The following CACNA1C variants were observed in gnomAD, a reference collection of about 807,000 sequenced individuals.
The protein encoded by CACNA1C is voltage-dependent L-type calcium channel subunit alpha-1C.
In CACNA1C, 30 loss-of-function variants were observed where a neutral mutation model predicts 229.0. That is an observed-to-expected ratio of 0.13 (90% confidence interval 0.10 to 0.18). The LOEUF (loss-of-function observed/expected upper bound fraction) is 0.18. Ranked by LOEUF, CACNA1C falls within the 10% of genes least tolerant of loss-of-function variation. The probability of loss-of-function intolerance (pLI) is 1.00; values close to 1 mark genes in which losing one functional copy is unlikely to be tolerated. For synonymous variants in CACNA1C, 1,114 were observed against 1,132.5 expected (o/e 0.98, Z 0.33); for missense variants, 1,658 against 2,845.0 (o/e 0.58, Z 9.49).
chr12:2,307,246 C>T (rs953562449), intron 3 of CACNA1C, among the ~76,000 whole-genome samples: 2 of 152,228 alleles, frequency 1.3e-5, no homozygotes, highest in African/African-American at 2.4e-5. Flanking sequence ...CTTCCTGCTT[C>T]ACTTTCATCT....
intron 1 of CACNA1C, among the ~76,000 whole-genome samples, chr12:2,082,827 A>G (rs984179843): frequency 1.3e-5 from 2 of 152,172 alleles, no homozygotes; most frequent in African/African-American, 2.4e-5. Context: ...TATATTTTCA[A>G]CAAAACGCCT....
chr12:2,689,619 C>T lies in CACNA1C; in HGVS notation c.6117+840C>T, dbSNP rs2097706264. ...GACATAGCCAAGCAGAGACTGTGCT[C>T]ATCCGGGCGTCAGGCTGTGGTGCAG... On this transcript the variant is annotated intron_variant, in intron 46 of 46. Transcript: ENST00000399655. The surrounding 1 kb of genome is among the most constrained non-coding windows in gnomAD (Gnocchi z 4.2). Among the ~76,000 whole-genome samples the T allele has an allele frequency of 6.6e-6, 1 of 152,010 alleles. No individual in the cohort carries two copies. Among genetic ancestry groups the T allele is most frequent in the African/African-American group, 2.4e-5 (1 of 41,402 alleles).
chr12:2,516,106 C>G (rs549092779), intron 9 of CACNA1C, among the ~76,000 whole-genome samples: 1 of 152,026 alleles, frequency 6.6e-6, no homozygotes, highest in East Asian at 1.9e-4. Flanking sequence ...AAGGGGTCAG[C>G]CAAGGAATGT....
At chr12:2,084,823 A>G (rs898452506) in intron 1 of CACNA1C, among the ~76,000 whole-genome samples, 8 of 152,236 alleles carry the variant, frequency 5.3e-5, no homozygotes. Flanking sequence ...AAGGCAAGCC[A>G]GGGTTCCACC....
intron 42 of CACNA1C, chr12:2,680,403 C>CCCGCCCTGGGCCCCCGCAGGGCT (rs1239274308): frequency 6.4e-7 from 1 of 1,560,720 alleles, no homozygotes; most frequent in Admixed American, 1.9e-5. Context: ...GACCTTCCCT[C>CCCGCCCTGGGCCCCCGCAGGGCT]CCGCCCTGGG....
At chr12:2,243,528 C>T (rs1036860628) in intron 3 of CACNA1C, among the ~76,000 whole-genome samples, 1 of 152,130 alleles carries the variant, frequency 6.6e-6, no homozygotes, top group Non-Finnish European at 1.5e-5. Flanking sequence ...CCAAGAAGAC[C>T]ACATGGGGGG....
At chr12:2,006,949 A>G (rs1389825328) in intron 1 of CACNA1C, among the ~76,000 whole-genome samples, 2 of 152,236 alleles carry the variant, frequency 1.3e-5, no homozygotes, top group African/African-American at 4.8e-5. Flanking sequence ...TTTGAAAAAC[A>G]TAGGGCTGCA....
At chr12:2,124,901 G>A (rs924393078) in intron 3 of CACNA1C, among the ~76,000 whole-genome samples, 2 of 152,084 alleles carry the variant, frequency 1.3e-5, no homozygotes, top group African/African-American at 4.8e-5. Context: ...TCCTACCGGC[G>A]GTCGACAGGA....
intron 5 of CACNA1C, among the ~76,000 whole-genome samples, chr12:2,468,147 A>T (rs2099570296): frequency 6.6e-6 from 1 of 152,222 alleles, no homozygotes; most frequent in South Asian, 2.1e-4. Context: ...GAGGTTACTG[A>T]GTATCAACAA....
chr12:2,601,974 C>A lies in CACNA1C; in HGVS notation c.2960+14C>A, dbSNP rs1199083576. ...CTTTGGCATCCAGTGAGTGGGAGCC[C>A]CTCAGCCCACGATGGGCCATGCAGC... On this transcript the variant is annotated intron_variant, in intron 22 of 46. Transcript: ENST00000399655. The surrounding 1 kb of genome is among the most constrained non-coding windows in gnomAD (Gnocchi z 5.9). The A allele has an allele frequency of 6.5e-7, 1 of 1,530,856 alleles. No individual in the cohort carries two copies. The highest frequency in any genetic ancestry group is 9.1e-7 in the Non-Finnish European group (1 of 1,104,022). The allele number at this position is 1,530,856 out of a possible 1,614,324, so 94.8% of individuals were successfully genotyped here. A position where few individuals can be genotyped will look rare whatever the true frequency, so the allele number is the denominator to read the frequency against.
At position 2,512,740 on chromosome 12, in the gene CACNA1C, A is replaced by G. The variant is rs2099787528; in HGVS notation, c.1218-72A>G. 3 of 1,186,728 alleles carry G rather than the reference A, an allele frequency of 2.5e-6. No homozygotes were observed. Among genetic ancestry groups the G allele is most frequent in the African/African-American group, 1.6e-5 (1 of 64,118 alleles). The allele number at this position is 1,186,728 out of a possible 1,614,324, so 73.5% of individuals were successfully genotyped here. ...TCTCCTTATCTCCATCTCTCCTTCCATCCTCGACCCTTCTCGGTGCTCCCT... is the reference window on the plus strand; with the variant it reads ...TCTCCTTATCTCCATCTCTCCTTCCGTCCTCGACCCTTCTCGGTGCTCCCT... On this transcript the variant is annotated intron_variant, in intron 8 of 46. Transcript: ENST00000399655. This position sits in a 1 kb window ranked among gnomAD's most constrained non-coding sequence, Gnocchi z 4.3.
chr12:2,194,594 C>G (rs936422630), intron 3 of CACNA1C, among the ~76,000 whole-genome samples: 10 of 152,180 alleles, frequency 6.6e-5, no homozygotes, highest in African/African-American at 2.4e-4. Flanking sequence ...TTCCTTCCCC[C>G]TTCCTGCTCT....
intron 5 of CACNA1C, among the ~76,000 whole-genome samples, chr12:2,475,000 G>A (rs1465882241): frequency 6.6e-6 from 1 of 152,024 alleles, no homozygotes. Flanking sequence ...AAAACCAATT[G>A]TGTGAAAATA....
At chr12:2,432,579 G>T (rs1036003392) in intron 3 of CACNA1C, among the ~76,000 whole-genome samples, 1 of 152,308 alleles carries the variant, frequency 6.6e-6, no homozygotes, top group African/African-American at 2.4e-5. Context: ...AAGGGAGTTG[G>T]AGCAAGGCCA....
intron 3 of CACNA1C, among the ~76,000 whole-genome samples, chr12:2,297,071 G>C (rs1394236789): frequency 6.6e-6 from 1 of 152,162 alleles, no homozygotes; most frequent in Non-Finnish European, 1.5e-5. Context: ...AAATATCCAT[G>C]GTAAGAAGAA....
At chr12:2,177,888 C>T (rs1310853159) in intron 3 of CACNA1C, among the ~76,000 whole-genome samples, 2 of 152,148 alleles carry the variant, frequency 1.3e-5, no homozygotes, top group African/African-American at 4.8e-5. Context: ...CCATCCGCCT[C>T]TGCCTCCCAA....
At chr12:2,484,909 C>CCTT (rs1375037460) in intron 5 of CACNA1C, among the ~76,000 whole-genome samples, 4 of 145,354 alleles carry the variant, frequency 2.8e-5, no homozygotes, top group African/African-American at 5.1e-5. Context: ...TCTCTTCTTT[C>CCTT]TTTTTTTTTT....
chr12:2,569,928 A>G (rs2053433316), intron 13 of CACNA1C, among the ~76,000 whole-genome samples: 1 of 152,344 alleles, frequency 6.6e-6, no homozygotes, highest in South Asian at 2.1e-4. Flanking sequence ...TAAGGGTTCC[A>G]ATTTCTTCAC....
At chr12:2,399,944 C>T (rs2098653346) in intron 3 of CACNA1C, among the ~76,000 whole-genome samples, 1 of 152,176 alleles carries the variant, frequency 6.6e-6, no homozygotes, top group African/African-American at 2.4e-5. Context: ...CTGTATGCAC[C>T]AGGGGTTTGA....
Sources: allele counts gnomAD v4.1 joint callset (sites outside exome capture counted in the v4.1 genomes callset), GRCh38; gene constraint gnomAD v4.1.1; non-coding constraint Gnocchi (gnomAD v3.1); transcripts MANE v1.5; gene names NCBI Gene and HGNC (gene_info 2026-07-23, HGNC 2026-07-21).